SYNJ1: variants seen among roughly 807,000 people sequenced by gnomAD.
SYNJ1 encodes synaptojanin 1.
SYNJ1 carries 78 observed loss-of-function variants against 168.2 expected under a neutral mutation model. The observed-to-expected ratio is 0.46, with a 90% CI of 0.39 to 0.56. The LOEUF is 0.56. Ranked by LOEUF, SYNJ1 falls within the 20% of genes least tolerant of loss-of-function variation. SYNJ1 has a pLI of 0.00. For synonymous variants in SYNJ1, 539 were observed against 548.6 expected (o/e 0.98, Z 0.24); for missense variants, 1,303 against 1,597.6 (o/e 0.82, Z 3.14).
Position 32,670,392 on chromosome 21 carries a change from A to C in SYNJ1, c.1727-20T>G, listed in dbSNP as rs1324363309. ...TTTTATCTAAAATTAAGCATCCAAG[A>C]AATACTTTTAAATATAGCCTCAGGC... On this transcript the variant is annotated intron_variant, in intron 14 of 32. Coordinates refer to ENST00000674351, the MANE Select transcript of SYNJ1 (RefSeq NM_203446.3). 1 of 1,577,292 alleles carries C rather than the reference A, an allele frequency of 6.3e-7. No homozygotes were observed. The highest frequency in any genetic ancestry group is 8.7e-7 in the Non-Finnish European group (1 of 1,149,016).
At chr21:32,635,587 A>T (rs1378517611) in intron 31 of SYNJ1, among the ~76,000 whole-genome samples, 1 of 152,190 alleles carries the variant, frequency 6.6e-6, no homozygotes, top group Non-Finnish European at 1.5e-5. Flanking sequence ...CAACCCAAGC[A>T]GACTAAGACA....
rs892661254 is a variant in SYNJ1, at chr21:32,631,507, T to G, written c.*298A>C. 1 of 1,613,990 alleles carries G rather than the reference T, an allele frequency of 6.2e-7. No homozygotes were observed. The highest frequency in any genetic ancestry group is 1.3e-5 in the African/African-American group (1 of 74,938). ...GCAGCAGTCCTGTCACTGAAAGGAT[T>G]TGTCCTGGTCAAGCCAGTAATAAAT... On this transcript the variant is annotated 3_prime_UTR_variant, in exon 33 of 33. Coordinates refer to ENST00000674351, the MANE Select transcript of SYNJ1 (RefSeq NM_203446.3).
At chr21:32,646,279 C>A (rs1601263057) in intron 24 of SYNJ1, 114 bp downstream of exon 24, 2 of 1,039,216 alleles carry the variant, frequency 1.9e-6, no homozygotes, top group Admixed American at 2.2e-5. Context: ...TATTCTGTAC[C>A]GGAGAAAACA....
At chr21:32,673,938 T>C (rs1475895350) in intron 13 of SYNJ1, among the ~76,000 whole-genome samples, 1 of 152,212 alleles carries the variant, frequency 6.6e-6, no homozygotes, top group East Asian at 1.9e-4. Flanking sequence ...GGTAAAAATA[T>C]AAATTTTATT....
intron 1 of SYNJ1, among the ~76,000 whole-genome samples, chr21:32,727,605 C>T (rs546247718): frequency 1.2e-4 from 19 of 152,204 alleles, no homozygotes; most frequent in Non-Finnish European, 2.5e-4. Context: ...GTCGACTGCC[C>T]GGGAAAGCGG....
rs946488577 is a variant in SYNJ1, at chr21:32,629,701, GAAAC to G, written c.*2100_*2103del. The G allele has an allele frequency of 2.0e-5, 3 of 152,156 alleles. No individual in the cohort carries two copies. The highest frequency in any genetic ancestry group is 7.2e-5 in the African/African-American group (3 of 41,418). 9.4% of individuals were successfully genotyped at this position (152,156 alleles called of 1,614,324 possible). On this transcript the variant is annotated 3_prime_UTR_variant, in exon 33 of 33. Transcript: ENST00000674351. ...GATGATTGTAACTGAAACTGACAAA[GAAAC>G]AACTATTGCTCAAGGAGTTTTCTGA...
intron 32 of SYNJ1, among the ~76,000 whole-genome samples, chr21:32,634,086 T>C (rs1340177079): frequency 2.0e-5 from 3 of 152,236 alleles, no homozygotes; most frequent in Admixed American, 1.3e-4. Flanking sequence ...ACACAGACAT[T>C]ATAGGAAAGG....
Position 32,664,984 on chromosome 21 carries a change from G to A in SYNJ1, c.2233C>T (p.Leu745Phe). 6.2e-7 allele frequency: 1 copy of A among 1,613,696 alleles called. No homozygotes were observed. Among genetic ancestry groups the A allele is most frequent in the South Asian group, 1.1e-5 (1 of 91,056 alleles). Reference protein sequence around the residue: ...IDLPNEEVKELIRQQNWDSLI... With the variant: ...IDLPNEEVKEFIRQQNWDSLI... ...GAATCCCAATTTTGCTGTCTTATGA[G>A]CTCTTTAACTTCTTCGTTAGGGAGA... The change falls in exon 18 of 33, where the codon CTC becomes TTC. Residue 745 changes from leucine (L) to phenylalanine (F), a missense_variant. Physicochemically the swap from Leu to Phe is conservative, Grantham distance 22. Transcript: ENST00000674351.
chr21:32,645,238 T>C (rs2040009156), intron 25 of SYNJ1, among the ~76,000 whole-genome samples: 2 of 152,252 alleles, frequency 1.3e-5, no homozygotes, highest in African/African-American at 4.8e-5. Context: ...TTAATACGTA[T>C]GCTCTCCAGT....
rs191060980 is a variant in SYNJ1, at chr21:32,687,102, C to T, written c.852-28G>A. 3 of 1,266,642 alleles carry T rather than the reference C, an allele frequency of 2.4e-6. No homozygotes were observed. In the East Asian group the frequency reaches 8.3e-5, roughly 35 times the overall value. The allele number at this position is 1,266,642 out of a possible 1,614,324, so 78.5% of individuals were successfully genotyped here. A position where few individuals can be genotyped will look rare whatever the true frequency, so the allele number is the denominator to read the frequency against. ...ATTTAAGAAAGAAAGGAAATAAATACATGTCAAATAAGAAGCCCAATTTTT... is the reference window on the plus strand; with the variant it reads ...ATTTAAGAAAGAAAGGAAATAAATATATGTCAAATAAGAAGCCCAATTTTT... On this transcript the variant is annotated intron_variant, in intron 7 of 32. Transcript: ENST00000674351.
rs1422699635 is a variant in SYNJ1 at position 32,631,453 on chromosome 21, C to G, written c.*352G>C. The G allele has an allele frequency of 6.2e-7, 1 of 1,614,188 alleles. No homozygotes were observed. The highest frequency in any genetic ancestry group is 1.7e-5 in the Admixed American group (1 of 60,016). On this transcript the variant is annotated 3_prime_UTR_variant, in exon 33 of 33. Coordinates refer to ENST00000674351, the MANE Select transcript of SYNJ1 (RefSeq NM_203446.3). ...AACCATGAAGTTGCCTCTGATTCTT[C>G]AGACTTGGCTCTAAATGGGTTTCCA...
At chr21:32,699,352 G>A (rs933239828) in intron 4 of SYNJ1, among the ~76,000 whole-genome samples, 2 of 152,270 alleles carry the variant, frequency 1.3e-5, no homozygotes, top group South Asian at 2.1e-4. Flanking sequence ...GCACATGCAC[G>A]GGAACCAGTG....
At position 32,673,473 on chromosome 21, in the gene SYNJ1, C is replaced by G. The variant is rs1242268350; in HGVS notation, c.1593G>C (p.Lys531Asn). Residue 531 changes from lysine to asparagine, a missense_variant, in exon 14 of 33, where the codon AAG becomes AAC. By Grantham distance (94) the Lys-to-Asn change is moderately conservative (BLOSUM62 0). Coordinates refer to ENST00000674351, the MANE Select transcript of SYNJ1 (RefSeq NM_203446.3). ...CENFYKYSKP[K>N]KIRVCVGTWN... The stretch of plus-strand genomic sequence containing the variant: ...AGGTTCCGACACATACTCGAATTTT[C>G]TTAGGCTTTGAATATTTGTAGAAAT... The G allele has an allele frequency of 4.3e-6, 7 of 1,613,224 alleles. No individual in the cohort carries two copies. Among genetic ancestry groups the G allele is most frequent in the African/African-American group, 2.7e-5 (2 of 74,864 alleles).
chr21:32,656,885 A>T lies in SYNJ1; in HGVS notation c.2597T>A (p.Ile866Asn). 3 of 1,614,186 alleles carry T rather than the reference A, an allele frequency of 1.9e-6. No homozygotes were observed. The highest frequency in any genetic ancestry group is 2.5e-6 in the Non-Finnish European group (3 of 1,180,024). ...TSDHRPVVALIDIDIFEVEAE... is the reference protein window; with the variant it reads ...TSDHRPVVALNDIDIFEVEAE... ...TTCAACTTCAAATATATCTATATCA[A>T]TCAGGGCAACGACAGGCCTTAAGGC... The change falls in exon 21 of 33, where the codon ATT becomes AAT. Residue 866 changes from isoleucine (I) to asparagine (N), a missense_variant. By Grantham distance (149) the Ile-to-Asn change is moderately radical. Coordinates refer to ENST00000674351, the MANE Select transcript of SYNJ1 (RefSeq NM_203446.3).
intron 1 of SYNJ1, among the ~76,000 whole-genome samples, chr21:32,727,624 C>T (rs911582858): frequency 5.3e-5 from 8 of 152,140 alleles, no homozygotes; most frequent in Non-Finnish European, 8.8e-5. Flanking sequence ...GGCTCCTTCT[C>T]GGAGAGACGG....
intron 12 of SYNJ1, among the ~76,000 whole-genome samples, chr21:32,677,169 C>G (rs941970235): frequency 2.6e-5 from 4 of 152,050 alleles, no homozygotes; most frequent in African/African-American, 9.7e-5. Flanking sequence ...TGAACTGAGG[C>G]AGGGGAAGAT....
At chr21:32,697,408 A>G (rs1199122925) in intron 4 of SYNJ1, among the ~76,000 whole-genome samples, 1 of 152,004 alleles carries the variant, frequency 6.6e-6, no homozygotes, top group Non-Finnish European at 1.5e-5. Flanking sequence ...TTGGTGCTCT[A>G]GCTGTCCCTT....
At chr21:32,638,628 C>T (rs968428608) in intron 31 of SYNJ1, among the ~76,000 whole-genome samples, 3 of 151,946 alleles carry the variant, frequency 2.0e-5, no homozygotes, top group Non-Finnish European at 2.9e-5. Context: ...ACCCGGGAGG[C>T]GGAGGTTGCA....
intron 22 of SYNJ1, among the ~76,000 whole-genome samples, chr21:32,651,945 G>A (rs2040285101): frequency 6.6e-6 from 1 of 152,136 alleles, no homozygotes. Flanking sequence ...GTTTCAATTT[G>A]TGTTTGCGTA....
Sources: allele counts gnomAD v4.1 joint callset (sites outside exome capture counted in the v4.1 genomes callset), GRCh38; gene constraint gnomAD v4.1.1; transcripts MANE v1.5; gene names NCBI Gene and HGNC (gene_info 2026-07-23, HGNC 2026-07-21).